Variants in SLC14A2 observed in about 807,000 individuals in gnomAD.
SLC14A2 encodes solute carrier family 14 member 2.
In SLC14A2, 91 loss-of-function variants were observed where a neutral mutation model predicts 104.6. The observed-to-expected ratio is 0.87, with a 90% confidence interval of 0.73 to 1.04. The LOEUF is 1.04. Ranked by LOEUF, SLC14A2 falls within the 50% of genes least tolerant of loss-of-function variation. SLC14A2 has a pLI of 0.00. For synonymous variants in SLC14A2, 476 were observed against 466.4 expected (o/e 1.02, Z -0.27); for missense variants, 1,189 against 1,156.0 (o/e 1.03, Z -0.41).
At chr18:45,574,448 A>T (rs769482862) in intron 2 of SLC14A2, among the ~76,000 whole-genome samples, 5 of 152,114 alleles carry the variant, frequency 3.3e-5, no homozygotes, top group Non-Finnish European at 4.4e-5. Flanking sequence ...TTGGGAGTGG[A>T]GTTAAAGTTG....
In SLC14A2 at chr18:45,641,224, C is replaced by T; in HGVS notation, c.1007C>T (p.Thr336Ile). ...VGLLAALSVA[T>I]PFETIYTGLW... ...TGTCCCATAGCCCTGTCAGTGGCCA[C>T]ACCCTTCGAGACCATCTACACAGGC... Residue 336 changes from threonine to isoleucine, a missense_variant, in exon 8 of 20, where the codon ACA becomes ATA. Thr to Ile is a moderately conservative substitution (Grantham distance 89). Coordinates refer to ENST00000255226, the MANE Select transcript of SLC14A2 (RefSeq NM_007163.4). 6.2e-7 allele frequency: 1 copy of T among 1,614,048 alleles called. No homozygotes were observed. The highest frequency in any genetic ancestry group is 8.5e-7 in the Non-Finnish European group (1 of 1,179,970).
At chr18:45,404,161 A>C (rs1450443243) in intron 1 of SLC14A2, among the ~76,000 whole-genome samples, 1 of 152,046 alleles carries the variant, frequency 6.6e-6, no homozygotes, top group Non-Finnish European at 1.5e-5. Context: ...TCTGAACCTT[A>C]CCTCAGTGTT....
intron 1 of SLC14A2, among the ~76,000 whole-genome samples, chr18:45,371,320 G>A (rs547645857): frequency 8.0e-4 from 121 of 151,942 alleles, no homozygotes; most frequent in African/African-American, 2.7e-3. Context: ...CTTTCCCCAC[G>A]CAGTGTTGAA....
intron 3 of SLC14A2, 115 bp downstream of exon 3, chr18:45,625,978 T>A (rs2045251834): frequency 7.5e-6 from 6 of 799,318 alleles, no homozygotes; most frequent in Non-Finnish European, 1.1e-5. Flanking sequence ...CCTGGGTGGA[T>A]CTGCCCAGGA....
In SLC14A2 at chr18:45,296,772, G is replaced by A. The variant is rs566271670; in HGVS notation, c.-125+83581G>A. Among the ~76,000 whole-genome samples, 6 of 150,964 alleles carry A rather than the reference G, an allele frequency of 4.0e-5. No individual in the cohort carries two copies. The East Asian group carries it at 9.7e-4, about 24-fold the overall frequency. ...CAGTAGTCTCGACTTCCCCAGTTTA[G>A]GGAGAAAAGTGTATGACAACTTCCT... On this transcript the variant is annotated intron_variant, in intron 1 of 20. Transcript: ENST00000586448.
At chr18:45,174,042 C>T in the SLC14A2 span, among the ~76,000 whole-genome samples, 6 of 152,140 alleles carry the variant, frequency 3.9e-5, no homozygotes, top group African/African-American at 1.4e-4. Context: ...TAAGCCATTA[C>T]CTCATGTGAG....
Position 45,346,980 on chromosome 18 carries a change from AAAATAAAT to A in SLC14A2, c.-125+133813_-125+133820del, listed in dbSNP as rs760123026. Among the ~76,000 whole-genome samples, 74 of 111,338 alleles carry A rather than the reference AAAATAAAT, an allele frequency of 6.6e-4. 1 individual carries two copies. The highest frequency in any genetic ancestry group is 4.9e-3 in the Middle Eastern group (1 of 206). 73.0% of individuals were successfully genotyped at this position (111,338 alleles called of 152,430 possible). On this transcript the variant is annotated intron_variant, in intron 1 of 20. Transcript: ENST00000586448. Reference sequence around the variant, plus strand: ...AGACTCAAAAATAAAAATAAAAATAAAAATAAATAAATAAATAAATAAATAAATAAACA... The same window carrying A: ...AGACTCAAAAATAAAAATAAAAATAAAAATAAATAAATAAATAAATAAACA...
intron 1 of SLC14A2, among the ~76,000 whole-genome samples, chr18:45,347,571 G>C (rs1420001387): frequency 2.0e-5 from 3 of 152,170 alleles, no homozygotes; most frequent in Non-Finnish European, 4.4e-5. Flanking sequence ...ACAAGGGCTG[G>C]TTTCTGGCTT....
chr18:45,402,432 A>T (rs961603204), intron 1 of SLC14A2, among the ~76,000 whole-genome samples: 1 of 152,220 alleles, frequency 6.6e-6, no homozygotes, highest in Non-Finnish European at 1.5e-5. Context: ...ATTACTCTAC[A>T]TCTTTAATTT....
chr18:45,581,765 C>A (rs1225160597), intron 2 of SLC14A2, among the ~76,000 whole-genome samples: 2 of 152,160 alleles, frequency 1.3e-5, no homozygotes, highest in Non-Finnish European at 2.9e-5. Flanking sequence ...GACTCTGAGT[C>A]CCGAATGACC....
chr18:45,223,130 G>T (rs1283793413), intron 1 of SLC14A2, among the ~76,000 whole-genome samples: 1 of 152,154 alleles, frequency 6.6e-6, no homozygotes, highest in Non-Finnish European at 1.5e-5. Flanking sequence ...CTATAAGATG[G>T]AATCTGTATT....
At chr18:45,530,660 C>G (rs1431597155) in intron 2 of SLC14A2, among the ~76,000 whole-genome samples, 1 of 151,904 alleles carries the variant, frequency 6.6e-6, no homozygotes, top group Admixed American at 6.6e-5. Context: ...GGTACATGAG[C>G]TTTAGTTATT....
Position 45,478,484 on chromosome 18 carries a change from T to A in SLC14A2, c.-124-4749T>A, listed in dbSNP as rs114912917. Among the ~76,000 whole-genome samples the A allele has an allele frequency of 2.5e-3, 388 of 152,348 alleles. 1 individual carries two copies. The highest frequency in any genetic ancestry group is 8.8e-3 in the African/African-American group (367 of 41,578). On this transcript the variant is annotated intron_variant, in intron 1 of 20. Coordinates refer to the SLC14A2 transcript ENST00000586448. The stretch of plus-strand genomic sequence containing the variant: ...TTTGCTTGGCACAGTTTCCTTTAGC[T>A]TGATGGTAACACAATTTGGTACTTG...
At chr18:45,491,131 C>T (rs371663220) in intron 2 of SLC14A2, among the ~76,000 whole-genome samples, 21 of 152,146 alleles carry the variant, frequency 1.4e-4, no homozygotes, top group Admixed American at 1.0e-3. Context: ...ACTCTTACTC[C>T]GGTGTGTAAT....
At chr18:45,178,061 G>A in the SLC14A2 span, among the ~76,000 whole-genome samples, 3 of 152,204 alleles carry the variant, frequency 2.0e-5, no homozygotes, top group African/African-American at 7.2e-5. Context: ...AAGGTAGAGA[G>A]AAGAACCACA....
intron 1 of SLC14A2, among the ~76,000 whole-genome samples, chr18:45,396,399 C>G (rs1010482244): frequency 3.9e-5 from 6 of 152,164 alleles, no homozygotes; most frequent in Non-Finnish European, 7.3e-5. Context: ...TTAACATATA[C>G]TCCTATGTCA....
chr18:45,515,306 C>G (rs915320377), intron 2 of SLC14A2: 2 of 152,138 alleles, frequency 1.3e-5, no homozygotes, highest in Admixed American at 6.5e-5. Context: ...TTTTAAGGAG[C>G]AATGATTATA....
chr18:45,670,204 A>G (rs1172023642), intron 16 of SLC14A2, among the ~76,000 whole-genome samples: 1 of 152,160 alleles, frequency 6.6e-6, no homozygotes. Context: ...CTACTACACC[A>G]TGCTGTTGGT....
At chr18:45,364,742 G>A (rs979304801) in intron 1 of SLC14A2, among the ~76,000 whole-genome samples, 1 of 152,178 alleles carries the variant, frequency 6.6e-6, no homozygotes, top group Admixed American at 6.5e-5. Flanking sequence ...CACCTAGCAA[G>A]CATGATATGT....
Sources: allele counts gnomAD v4.1 joint callset (sites outside exome capture counted in the v4.1 genomes callset), GRCh38; gene constraint gnomAD v4.1.1; transcripts MANE v1.5; gene names NCBI Gene and HGNC (gene_info 2026-07-23, HGNC 2026-07-21).